Variants in ZNF678 observed in about 807,000 individuals in gnomAD.
The protein encoded by ZNF678 is zinc finger protein 678, also known as hypothetical protein MGC42493.
In ZNF678, 5 loss-of-function variants were observed where a neutral mutation model predicts 3.0. The observed-to-expected ratio is 1.69, with a 90% confidence interval of 0.88 to 3.56. ZNF678 has a LOEUF of 3.56. Ranked by LOEUF, ZNF678 falls within the 30% of genes most tolerant of loss-of-function variation. The pLI, the probability that ZNF678 is intolerant of heterozygous loss-of-function variation, is 0.00. For synonymous variants in ZNF678, 218 were observed against 199.6 expected (o/e 1.09, Z -0.78); for missense variants, 593 against 605.0 (o/e 0.98, Z 0.21).
At chr1:227,612,360 C>G (rs1367815884) in intron 1 of ZNF678, among the ~76,000 whole-genome samples, 1 of 152,174 alleles carries the variant, frequency 6.6e-6, no homozygotes, top group Middle Eastern at 3.2e-3. Context: ...AAACCCACAT[C>G]TTCACCAATT....
At chr1:227,619,133 G>A (rs1164781543) in intron 1 of ZNF678, among the ~76,000 whole-genome samples, 2 of 152,076 alleles carry the variant, frequency 1.3e-5, no homozygotes, top group East Asian at 3.9e-4. Flanking sequence ...TAGACACATG[G>A]GGATTACAAC....
rs1181566508 is a variant in ZNF678, at chr1:227,626,880, C to T, written c.-163-19664C>T. On this transcript the variant is annotated intron_variant, in intron 1 of 3. Transcript: ENST00000343776. ...TCACTCTGTAAGCCTTGGGGAAGTC[C>T]AAATCTGGGAATTATTTCATGAATT... Among the ~76,000 whole-genome samples, 9 of 151,910 alleles carry T rather than the reference C, an allele frequency of 5.9e-5. No individual in the cohort carries two copies. In the South Asian group the frequency reaches 1.9e-3, roughly 32 times the overall value.
intron 1 of ZNF678, among the ~76,000 whole-genome samples, chr1:227,645,846 T>A (rs751484379): frequency 6.6e-6 from 1 of 152,242 alleles, no homozygotes; most frequent in Non-Finnish European, 1.5e-5. Flanking sequence ...GTTAAGGTGC[T>A]CTCTGACAGA....
At chr1:227,596,265 A>G (rs1657585624) in intron 1 of ZNF678, among the ~76,000 whole-genome samples, 1 of 152,222 alleles carries the variant, frequency 6.6e-6, no homozygotes, top group Non-Finnish European at 1.5e-5. Flanking sequence ...CAGGGAACCA[A>G]GAAATATAGC....
intron 1 of ZNF678, among the ~76,000 whole-genome samples, chr1:227,569,051 G>T (rs1196097953): frequency 6.6e-6 from 1 of 152,214 alleles, no homozygotes; most frequent in Non-Finnish European, 1.5e-5. Flanking sequence ...TGTTGCTGGA[G>T]TGCAATCATA....
intron 5 of ZNF678, among the ~76,000 whole-genome samples, chr1:227,671,484 A>G (rs753803988): frequency 6.6e-6 from 1 of 152,132 alleles, no homozygotes; most frequent in Non-Finnish European, 1.5e-5. Flanking sequence ...GTGTAGTATG[A>G]ATATTGTGAC....
chr1:227,631,655 G>A (rs1432881082), intron 1 of ZNF678, among the ~76,000 whole-genome samples: 1 of 152,162 alleles, frequency 6.6e-6, no homozygotes, highest in Admixed American at 6.5e-5. Flanking sequence ...GTCCTTTTGG[G>A]TATGAAATAT....
At chr1:227,568,586 G>A (rs189389105) in intron 1 of ZNF678, among the ~76,000 whole-genome samples, 32 of 152,328 alleles carry the variant, frequency 2.1e-4, no homozygotes, top group African/African-American at 7.5e-4. Flanking sequence ...TCATTTGGCT[G>A]TTTTGAGATG....
chr1:227,655,686 A>T lies in ZNF678; in HGVS notation c.1436A>T (p.His479Leu). 2.5e-6 allele frequency: 4 copies of T among 1,612,816 alleles called. No homozygotes were observed. Among genetic ancestry groups the T allele is most frequent in the Non-Finnish European group, 3.4e-6 (4 of 1,179,222 alleles). The change falls in exon 4 of 4, where the codon CAT becomes CTT. Residue 479 changes from histidine (H) to leucine (L), a missense_variant. Coordinates refer to ENST00000343776, the MANE Select transcript of ZNF678 (RefSeq NM_001367909.1). The part of the protein sequence containing the change: ...AFNQFSSLTR[H>L]KRIHTGEKRY... ...AACCAGTTCTCAAGCCTTACTCGTCATAAAAGAATTCATACTGGAGAGAAA... is the reference window on the plus strand; with the variant it reads ...AACCAGTTCTCAAGCCTTACTCGTCTTAAAAGAATTCATACTGGAGAGAAA...
intron 1 of ZNF678, among the ~76,000 whole-genome samples, chr1:227,601,779 G>A (rs1436767015): frequency 6.6e-6 from 1 of 151,978 alleles, no homozygotes; most frequent in Non-Finnish European, 1.5e-5. Flanking sequence ...TGGTCAGGCT[G>A]GTCTTGAACT....
chr1:227,585,128 A>C lies in ZNF678; in HGVS notation c.-164+21404A>C, dbSNP rs146844313. Among the ~76,000 whole-genome samples the C allele has an allele frequency of 5.9e-5, 9 of 152,316 alleles. 2 individuals are homozygous for C. Among genetic ancestry groups the C allele is most frequent in the East Asian group, 5.8e-4 (3 of 5,190 alleles). On this transcript the variant is annotated intron_variant, in intron 1 of 3. Transcript: ENST00000343776. ...TTGAAAATGTGATTTAAGACTGTAG[A>C]GTAGTAGAAGATGAGAAAAGGAGAC...
At chr1:227,632,146 C>T (rs1245783732) in intron 1 of ZNF678, among the ~76,000 whole-genome samples, 1 of 152,138 alleles carries the variant, frequency 6.6e-6, no homozygotes, top group Admixed American at 6.5e-5. Flanking sequence ...CACATAACTG[C>T]CTATGTCAAG....
chr1:227,639,668 T>TG (rs1658769490), intron 1 of ZNF678, among the ~76,000 whole-genome samples: 1 of 152,092 alleles, frequency 6.6e-6, no homozygotes, highest in Non-Finnish European at 1.5e-5. Context: ...AAAAGCGGTG[T>TG]CCAGAGGCCC....
At chr1:227,600,694 G>C (rs1183399303) in intron 1 of ZNF678, among the ~76,000 whole-genome samples, 2 of 152,076 alleles carry the variant, frequency 1.3e-5, no homozygotes, top group Non-Finnish European at 2.9e-5. Context: ...ACGTTTGTCA[G>C]ATACATAGTT....
chr1:227,593,869 T>C (rs1297199498), intron 1 of ZNF678, among the ~76,000 whole-genome samples: 436 of 13,798 alleles, frequency 0.032, 1 homozygote, highest in African/African-American at 0.2. Context: ...CCCCCCCCCT[T>C]TTTTTTTTTT....
chr1:227,588,873 A>C (rs1323665606), intron 1 of ZNF678, among the ~76,000 whole-genome samples: 1 of 142,468 alleles, frequency 7.0e-6, no homozygotes. Context: ...TTTCATTTGC[A>C]TTTTTCTCAT....
In ZNF678 at chr1:227,611,044, C is replaced by A. The variant is rs541864017; in HGVS notation, c.-163-35500C>A. Among the ~76,000 whole-genome samples the A allele has an allele frequency of 2.6e-5, 4 of 152,334 alleles. No individual in the cohort carries two copies. The South Asian group carries it at 6.2e-4, about 24-fold the overall frequency. On this transcript the variant is annotated intron_variant, in intron 1 of 3. Transcript: ENST00000343776. ...ACTTGGTTTACTGTTACTGACCTGG[C>A]AGACATGTTTTGTTTTGTCTCAATT... is the stretch of plus-strand genomic sequence containing the variant.
At chr1:227,599,034 A>C (rs1657666159) in intron 1 of ZNF678, 1 of 1,555,786 alleles carries the variant, frequency 6.4e-7, no homozygotes, top group Non-Finnish European at 8.8e-7. Flanking sequence ...ACTTCTTCCC[A>C]GGTAGGCCTT....
At chr1:227,579,364 G>A (rs1156849430) in intron 1 of ZNF678, among the ~76,000 whole-genome samples, 2 of 152,078 alleles carry the variant, frequency 1.3e-5, no homozygotes, top group African/African-American at 2.4e-5. Flanking sequence ...GCTCAGGAGT[G>A]TTGCTCAGGG....
Sources: allele counts gnomAD v4.1 joint callset (sites outside exome capture counted in the v4.1 genomes callset), GRCh38; gene constraint gnomAD v4.1.1; transcripts MANE v1.5; gene names NCBI Gene and HGNC (gene_info 2026-07-23, HGNC 2026-07-21).